Variants in ITGBL1 observed in about 807,000 individuals in gnomAD.
The protein encoded by ITGBL1 is integrin beta-like protein 1.
Under a neutral mutation model 68.5 loss-of-function variants are expected in ITGBL1, and 51 were observed. The ratio of observed to expected loss-of-function variants is 0.74; its 90% CI spans 0.59 to 0.94. ITGBL1 has a LOEUF of 0.94. Among genes scored for constraint, ITGBL1 ranks in the 40% least tolerant of loss-of-function variants. The pLI is 0.00. For missense variants in ITGBL1, 649 were observed against 647.4 expected, an observed-to-expected ratio of 1.00 and a Z score of -0.03; for synonymous variants, 209 against 227.3, an observed-to-expected ratio of 0.92 and a Z score of 0.72.
Position 101,571,642 on chromosome 13 carries a change from T to C in ITGBL1, c.464-3782T>C, listed in dbSNP as rs576027635. Among the ~76,000 whole-genome samples the C allele has an allele frequency of 2.6e-4, 39 of 152,260 alleles. 1 individual carries two copies. The Middle Eastern group carries it at 0.01, about 40-fold the overall frequency. ...CCCTCACCTTATAGATAACCAACTTTATTGCTCTCTTCCTTCTCTGTGCAT... is the reference window on the plus strand; with the variant it reads ...CCCTCACCTTATAGATAACCAACTTCATTGCTCTCTTCCTTCTCTGTGCAT... On this transcript the variant is annotated intron_variant, in intron 3 of 10. Transcript: ENST00000376180.
intron 3 of ITGBL1, among the ~76,000 whole-genome samples, chr13:101,574,290 A>G (rs1233144339): frequency 4.7e-5 from 7 of 150,380 alleles, no homozygotes; most frequent in African/African-American, 1.7e-4. Flanking sequence ...TTCCCCTTTT[A>G]TTGCAGAGCC....
At chr13:101,669,307 G>T (rs1246856762) in intron 7 of ITGBL1, among the ~76,000 whole-genome samples, 1 of 151,954 alleles carries the variant, frequency 6.6e-6, no homozygotes, top group African/African-American at 2.4e-5. Context: ...AGCAGAAAGT[G>T]AATAATATGA....
At chr13:101,712,990 C>G (rs929674546) in intron 9 of ITGBL1, 1 of 152,176 alleles carries the variant, frequency 6.6e-6, no homozygotes, top group Non-Finnish European at 1.5e-5. Context: ...GCATGCAAAT[C>G]AACCTGGACC....
chr13:101,653,796 C>A (rs2032830612), intron 7 of ITGBL1, among the ~76,000 whole-genome samples: 1 of 151,296 alleles, frequency 6.6e-6, no homozygotes, highest in South Asian at 2.1e-4. Context: ...TTAAGTGATT[C>A]TCCTGCCTCA....
At chr13:101,576,237 T>C (rs543752433) in intron 4 of ITGBL1, among the ~76,000 whole-genome samples, 2 of 152,244 alleles carry the variant, frequency 1.3e-5, no homozygotes, top group African/African-American at 4.8e-5. Context: ...CCACCAATAA[T>C]AGTAGAATTT....
At chr13:101,641,558 C>A (rs150526917) in intron 7 of ITGBL1, among the ~76,000 whole-genome samples, 3,756 of 120,092 alleles carry the variant, frequency 0.031, 124 homozygotes, top group African/African-American at 0.11. Flanking sequence ...TTTATTTTTT[C>A]TTTTTTTTCT....
chr13:101,709,179 C>A (rs2034337389), intron 9 of ITGBL1, among the ~76,000 whole-genome samples: 1 of 150,970 alleles, frequency 6.6e-6, no homozygotes, highest in Non-Finnish European at 1.5e-5. Context: ...TCCTGGCTAA[C>A]AAGGTGAAAC....
intron 7 of ITGBL1, among the ~76,000 whole-genome samples, chr13:101,651,904 C>G (rs759095761): frequency 6.6e-6 from 1 of 151,984 alleles, no homozygotes; most frequent in Non-Finnish European, 1.5e-5. Flanking sequence ...GCCAATTCTC[C>G]CAGCACCACT....
At chr13:101,644,035 C>G (rs1286566448) in intron 7 of ITGBL1, among the ~76,000 whole-genome samples, 2 of 152,130 alleles carry the variant, frequency 1.3e-5, no homozygotes, top group Non-Finnish European at 2.9e-5. Context: ...GATCCGGCAA[C>G]TTTGGCCCAG....
intron 2 of ITGBL1, among the ~76,000 whole-genome samples, chr13:101,546,722 C>A (rs2049831100): frequency 6.6e-6 from 1 of 151,898 alleles, no homozygotes; most frequent in Non-Finnish European, 1.5e-5. Context: ...AAGAATATAG[C>A]AAGCAACTTT....
chr13:101,634,563 G>A (rs1011527569), intron 7 of ITGBL1, among the ~76,000 whole-genome samples: 1 of 152,112 alleles, frequency 6.6e-6, no homozygotes, highest in Non-Finnish European at 1.5e-5. Flanking sequence ...AAAGTTTTGA[G>A]AATCCACTGG....
intron 4 of ITGBL1, among the ~76,000 whole-genome samples, chr13:101,576,437 A>G (rs1162846862): frequency 6.6e-6 from 1 of 152,222 alleles, no homozygotes; most frequent in Non-Finnish European, 1.5e-5. Flanking sequence ...GTGTAGGAAA[A>G]GAAAAGTAGA....
rs555677904 is a variant in ITGBL1, at chr13:101,465,773, T to TGCA, written c.316+11674_316+11676dup. ...GAGAAGGTATGAGGTTGAGGATCCC[T>TGCA]GCAATGAGTAATTGGCAGTTTGTAG... On this transcript the variant is annotated intron_variant, in intron 2 of 10. Transcript: ENST00000376180. Among the ~76,000 whole-genome samples, 12 of 152,354 alleles carry TGCA rather than the reference T, an allele frequency of 7.9e-5. No homozygotes were observed. The East Asian group carries it at 2.1e-3, about 27-fold the overall frequency.
rs186848465 is a variant in ITGBL1, at chr13:101,479,936, A to G, written c.316+25836A>G. Among the ~76,000 whole-genome samples, 3 of 152,214 alleles carry G rather than the reference A, an allele frequency of 2.0e-5. No individual in the cohort carries two copies. In the East Asian group the frequency reaches 5.8e-4, roughly 29 times the overall value. ...TCCTCAAAAAACTAAAAATAGAGCT[A>G]TCATATGATCAAGCAATCCCACTGC... is the stretch of plus-strand genomic sequence containing the variant. On this transcript the variant is annotated intron_variant, in intron 2 of 10. Transcript: ENST00000376180.
intron 2 of ITGBL1, among the ~76,000 whole-genome samples, chr13:101,461,799 A>T (rs1216705211): frequency 1.3e-5 from 2 of 152,222 alleles, no homozygotes; most frequent in Non-Finnish European, 2.9e-5. Context: ...ACATTTTGCC[A>T]AGCTTCATAT....
intron 8 of ITGBL1, among the ~76,000 whole-genome samples, chr13:101,693,941 T>C (rs956972825): frequency 5.8e-4 from 88 of 152,166 alleles, no homozygotes; most frequent in Non-Finnish European, 3.4e-4. Context: ...AGGCATAAAT[T>C]CGTAAAACAT....
At chr13:101,549,681 A>G (rs920467279) in intron 2 of ITGBL1, among the ~76,000 whole-genome samples, 1 of 152,226 alleles carries the variant, frequency 6.6e-6, no homozygotes. Context: ...ACCAATGAGA[A>G]GATTTTGAAT....
chr13:101,455,663 CA>C (rs1422985886), intron 2 of ITGBL1, among the ~76,000 whole-genome samples: 4 of 152,172 alleles, frequency 2.6e-5, no homozygotes, highest in Admixed American at 6.5e-5. Flanking sequence ...GACTTCATCT[CA>C]ATAAATAAAT....
At chr13:101,613,253 C>T (rs2031216936) in intron 7 of ITGBL1, among the ~76,000 whole-genome samples, 1 of 152,008 alleles carries the variant, frequency 6.6e-6, no homozygotes, top group Admixed American at 6.6e-5. Context: ...TAAAAATGAC[C>T]TCCAGGGCAT....
Sources: gnomAD v4.1 joint callset for allele counts (sites outside exome capture counted in the v4.1 genomes callset) on GRCh38, gnomAD v4.1.1 for gene constraint, MANE v1.5 for transcripts, NCBI Gene and HGNC (gene_info 2026-07-23, HGNC 2026-07-21) for gene names.